The following TMEM181 variants were observed in gnomAD, a reference collection of about 807,000 sequenced individuals.
TMEM181 encodes the protein G protein-coupled receptor 178.
Under a neutral mutation model 71.9 loss-of-function variants are expected in TMEM181, and 39 were observed. The ratio of observed to expected loss-of-function variants is 0.54; its 90% CI spans 0.42 to 0.71. The LOEUF is 0.71. Among genes scored for constraint, TMEM181 ranks in the 30% least tolerant of loss-of-function variants. The pLI, the probability that TMEM181 is intolerant of heterozygous loss-of-function variation, is 0.00. For missense variants in TMEM181, 595 were observed against 583.0 expected (o/e 1.02, Z -0.21); for synonymous variants, 245 against 228.8 (o/e 1.07, Z -0.64).
rs117688740 is a variant in TMEM181 at position 158,591,913 on chromosome 6, A to G, written c.492+2131A>G. ...AGAATTTGGTACATATGTTAGGTGA[A>G]CTAGGTACATGCCATTCTGCCATTG... On this transcript the variant is annotated intron_variant, in intron 6 of 16. Coordinates refer to ENST00000684151, the MANE Select transcript of TMEM181 (RefSeq NM_001376852.1). Among the ~76,000 whole-genome samples the G allele has an allele frequency of 9.3e-3, 1,413 of 152,274 alleles. 15 individuals are homozygous for G. The highest frequency in any genetic ancestry group is 0.015 in the Non-Finnish European group (1,002 of 68,020).
At chr6:158,603,219 C>T (rs4709234) in intron 6 of TMEM181, among the ~76,000 whole-genome samples, 53,998 of 152,024 alleles carry the variant, frequency 0.36, 10,588 homozygotes, top group East Asian at 0.75. Context: ...GCCAGTGGTC[C>T]CCAGCCTTTT....
intron 6 of TMEM181, among the ~76,000 whole-genome samples, chr6:158,602,643 C>T (rs1435764015): frequency 6.6e-6 from 1 of 151,660 alleles, no homozygotes; most frequent in Non-Finnish European, 1.5e-5. Flanking sequence ...TGGGACCTTG[C>T]TCTGTCGCCT....
intron 6 of TMEM181, among the ~76,000 whole-genome samples, chr6:158,594,358 G>A (rs1196596346): frequency 1.3e-5 from 2 of 151,890 alleles, no homozygotes; most frequent in Non-Finnish European, 2.9e-5. Context: ...CTCGGCCTCC[G>A]AAAGTGCTGG....
intron 7 of TMEM181, among the ~76,000 whole-genome samples, chr6:158,605,900 G>A (rs1003592506): frequency 1.3e-5 from 2 of 152,150 alleles, no homozygotes; most frequent in Non-Finnish European, 2.9e-5. Context: ...GCAAAGATAA[G>A]AATTGGTAAA....
At chr6:158,601,881 A>G (rs1784690007) in intron 6 of TMEM181, among the ~76,000 whole-genome samples, 1 of 152,174 alleles carries the variant, frequency 6.6e-6, no homozygotes, top group Non-Finnish European at 1.5e-5. Flanking sequence ...CCCAACTATT[A>G]ATGGCAGGAG....
chr6:158,620,667 C>T lies in TMEM181; in HGVS notation c.897-2883C>T, dbSNP rs920832221. ...CAGTCCCCTTCAGATTAGTTGTCCT[C>T]GCACAAATTGCTGGAAGAGTGAAGT... On this transcript the variant is annotated intron_variant, in intron 10 of 16. Transcript: ENST00000684151. The surrounding 1 kb of genome is among the most constrained non-coding windows in gnomAD (Gnocchi z 4.5). 2.0e-4 allele frequency among the ~76,000 whole-genome samples: 31 copies of T among 151,770 alleles called. No homozygotes were observed. The highest frequency in any genetic ancestry group is 6.1e-4 in the African/African-American group (25 of 41,286).
intron 6 of TMEM181, 120 bp from the exon 7 acceptor site, chr6:158,605,147 T>TGG: frequency 1.8e-6 from 1 of 566,342 alleles, no homozygotes; most frequent in Non-Finnish European, 3.2e-6. Context: ...TGTGTGTGTG[T>TGG]GTGTGTGTGT....
Position 158,560,111 on chromosome 6 carries a change from C to T in TMEM181, c.-114C>T. ...CTGATGAGTTTTCCGCGGCCGGCCG[C>T]TGCTCAGCCGCTGTCGCTCCGGCTC... On this transcript the variant is annotated 5_prime_UTR_variant, in exon 1 of 17. Coordinates refer to ENST00000684151, the MANE Select transcript of TMEM181 (RefSeq NM_001376852.1). The T allele has an allele frequency of 1.0e-6, 1 of 985,004 alleles. No individual in the cohort carries two copies. Among genetic ancestry groups the T allele is most frequent in the Non-Finnish European group, 1.2e-6 (1 of 829,770 alleles). The allele number at this position is 985,004 out of a possible 1,614,324, so 61.0% of individuals were successfully genotyped here.
Position 158,607,248 on chromosome 6 carries a change from T to G in TMEM181, c.578T>G (p.Leu193Arg). 6.2e-7 allele frequency: 1 copy of G among 1,614,024 alleles called. No individual in the cohort carries two copies. Among genetic ancestry groups the G allele is most frequent in the Non-Finnish European group, 8.5e-7 (1 of 1,179,894 alleles). The change falls in exon 8 of 17, where the codon CTG (leucine) becomes CGG (arginine). Residue 193 changes from leucine to arginine, a missense_variant. Physicochemically the swap from Leu to Arg is moderately radical, Grantham distance 102. Transcript: ENST00000684151. ...GAGGCCTGATTTGGTTTGCAGTGCC[T>G]GTTTGCGCATTCCCTCCGGAAATTT... The part of the protein sequence containing the change: ...FVVLTFIVTC[L>R]FAHSLRKFSM...
chr6:158,605,130 A>AGTGTGTGTGTGTG, intron 6 of TMEM181, 137 bp from the exon 7 acceptor site: 3 of 210,868 alleles, frequency 1.4e-5, no homozygotes, highest in Admixed American at 9.6e-5. Flanking sequence ...AAAAAAAAAA[A>AGTGTGTGTGTGTG]AGTGTGTGTG....
At chr6:158,570,841 A>T (rs1355782172) in intron 1 of TMEM181, among the ~76,000 whole-genome samples, 1 of 147,052 alleles carries the variant, frequency 6.8e-6, no homozygotes, top group African/African-American at 2.5e-5. Context: ...GCTTTGTGTC[A>T]TTTTTTTTTT....
intron 10 of TMEM181, chr6:158,611,184 T>G: frequency 1.9e-6 from 1 of 524,980 alleles, no homozygotes; most frequent in South Asian, 1.4e-5. Flanking sequence ...TCTGGCACTG[T>G]CTTGTCCTTC....
At chr6:158,538,187 C>T (rs1348104486) in intron 1 of TMEM181, among the ~76,000 whole-genome samples, 3 of 142,956 alleles carry the variant, frequency 2.1e-5, no homozygotes, top group Admixed American at 7.2e-5. Context: ...CAGGGTCTTG[C>T]CCTGTCGCCC....
At chr6:158,619,289 T>G (rs1478487282) in intron 10 of TMEM181, among the ~76,000 whole-genome samples, 1 of 152,262 alleles carries the variant, frequency 6.6e-6, no homozygotes, top group Non-Finnish European at 1.5e-5. Flanking sequence ...TCGAATCGGC[T>G]ACTGAAGCTT....
intron 2 of TMEM181, 49 bp from the exon 3 acceptor site, chr6:158,580,891 T>C: frequency 6.5e-7 from 1 of 1,527,424 alleles, no homozygotes. Flanking sequence ...AAATACTAAA[T>C]TATCAATATT....
chr6:158,571,588 G>A (rs538969219), intron 1 of TMEM181, among the ~76,000 whole-genome samples: 6 of 152,124 alleles, frequency 3.9e-5, no homozygotes, highest in Admixed American at 6.5e-5. Flanking sequence ...ATGAGCCACC[G>A]CGCCCGGCCA....
intron 9 of TMEM181, 50 bp downstream of exon 9, chr6:158,608,513 C>T (rs1463376073): frequency 1.2e-6 from 2 of 1,613,294 alleles, no homozygotes; most frequent in Non-Finnish European, 1.7e-6. Context: ...ACTGTGTCCT[C>T]CCTCCCGAAC....
At position 158,631,960 on chromosome 6, in the gene TMEM181, T is replaced by G; in HGVS notation, c.*72T>G. The G allele has an allele frequency of 7.5e-7, 1 of 1,339,644 alleles. No individual in the cohort carries two copies. The highest frequency in any genetic ancestry group is 1.3e-5 in the South Asian group (1 of 77,802). The allele number at this position is 1,339,644 out of a possible 1,614,324, so 83.0% of individuals were successfully genotyped here. Reference sequence around the variant, plus strand: ...CGGTGACCGTCTGCTGACCTTCCCCTGTTATATTCAGATTTTTCTTACAAG... The same window carrying G: ...CGGTGACCGTCTGCTGACCTTCCCCGGTTATATTCAGATTTTTCTTACAAG... On this transcript the variant is annotated 3_prime_UTR_variant, in exon 17 of 17. Transcript: ENST00000684151.
intron 3 of TMEM181, among the ~76,000 whole-genome samples, chr6:158,583,599 G>C (rs1411475719): frequency 6.6e-6 from 1 of 152,164 alleles, no homozygotes; most frequent in Non-Finnish European, 1.5e-5. Context: ...AGGAGATCGA[G>C]ACCATCCTGG....
Sources: gnomAD v4.1 joint callset for allele counts (sites outside exome capture counted in the v4.1 genomes callset) on GRCh38, gnomAD v4.1.1 for gene constraint, Gnocchi (gnomAD v3.1) non-coding constraint, MANE v1.5 for transcripts, NCBI Gene and HGNC (gene_info 2026-07-23, HGNC 2026-07-21) for gene names.